MPHOSPH10: variants seen among roughly 807,000 people sequenced by gnomAD.
MPHOSPH10 encodes U3 small nucleolar ribonucleoprotein MPP10.
In MPHOSPH10, 33 loss-of-function variants were observed where a neutral mutation model predicts 77.3. The ratio of observed to expected loss-of-function variants is 0.43; its 90% CI spans 0.32 to 0.57. The LOEUF is 0.57. Among genes scored for constraint, MPHOSPH10 ranks in the 20% least tolerant of loss-of-function variants. The pLI, the probability that MPHOSPH10 is intolerant of heterozygous loss-of-function variation, is 0.07. For synonymous variants in MPHOSPH10, 245 were observed against 268.0 expected (o/e 0.91, Z 0.84); for missense variants, 708 against 780.1 (o/e 0.91, Z 1.10).
At chr2:71,141,175 T>C (rs1673603161) in intron 6 of MPHOSPH10, 57 bp from the exon 7 acceptor site, 1 of 1,205,820 alleles carries the variant, frequency 8.3e-7, no homozygotes, top group Non-Finnish European at 1.1e-6. Context: ...GATTCTTAAG[T>C]GAACCTAGAA....
intron 4 of MPHOSPH10, among the ~76,000 whole-genome samples, chr2:71,135,911 G>A (rs1673480297): frequency 6.6e-6 from 1 of 152,026 alleles, no homozygotes; most frequent in African/African-American, 2.4e-5. Context: ...CACCATGTTG[G>A]CCAGGCTGGT....
rs1673425811 is a variant in MPHOSPH10, at chr2:71,133,446, A to G, written c.638A>G (p.Tyr213Cys). 2 of 1,614,018 alleles carry G rather than the reference A, an allele frequency of 1.2e-6. No homozygotes were observed. The highest frequency in any genetic ancestry group is 1.1e-5 in the South Asian group (1 of 91,078). ...TTCAAACTCTCTGAAATGGAGGCCT[A>G]TTTAGAAAACATAGAAAAAGAAGAG... ...KFFKLSEMEA[Y>C]LENIEKEEER... Residue 213 changes from tyrosine (Y) to cysteine (C), a missense_variant, in exon 2 of 11, where the codon TAT (tyrosine) becomes TGT (cysteine). Physicochemically the swap from Tyr to Cys is radical, Grantham distance 194. This residue lies in a region of MPHOSPH10 where 433 missense variants were observed against 432.6 expected (regional missense o/e 1.00). Transcript: ENST00000244230.
chr2:71,144,354 A>G, intron 7 of MPHOSPH10, 74 bp from the exon 8 acceptor site: 1 of 1,100,588 alleles, frequency 9.1e-7, no homozygotes, highest in Non-Finnish European at 1.3e-6. Context: ...AAATACTCTC[A>G]TTGACCTTTA....
chr2:71,146,328 TTG>T (rs1044766769), intron 8 of MPHOSPH10, among the ~76,000 whole-genome samples: 10 of 145,884 alleles, frequency 6.9e-5, no homozygotes, highest in Admixed American at 3.8e-4. Context: ...CCATTATTTT[TTG>T]TGGCTTTTTT....
chr2:71,133,081 T>C lies in MPHOSPH10; in HGVS notation c.273T>C (p.Phe91=). Residue 91 remains phenylalanine, a synonymous_variant, in exon 2 of 11, where the codon TTT becomes TTC. Coordinates refer to ENST00000244230, the MANE Select transcript of MPHOSPH10 (RefSeq NM_005791.3). ...AAAATGAACCAATTTTACAATACTT[T>C]CAGAATGCAGTTAGTGAAACAATTA... The part of the protein sequence containing the change: ...ELQNEPILQY[F]QNAVSETIND... The C allele has an allele frequency of 6.2e-7, 1 of 1,614,192 alleles. No individual in the cohort carries two copies. The highest frequency in any genetic ancestry group is 8.5e-7 in the Non-Finnish European group (1 of 1,180,022).
chr2:71,137,656 C>CAAAAAAAAAAA (rs60072810), intron 4 of MPHOSPH10, among the ~76,000 whole-genome samples: 1 of 46,358 alleles, frequency 2.2e-5, no homozygotes, highest in Non-Finnish European at 4.8e-5. Context: ...GAGACTGTCT[C>CAAAAAAAAAAA]AAAAAAAAAA....
At chr2:71,131,444 G>A (rs1673377387) in intron 1 of MPHOSPH10, among the ~76,000 whole-genome samples, 1 of 152,102 alleles carries the variant, frequency 6.6e-6, no homozygotes, top group African/African-American at 2.4e-5. Flanking sequence ...TAATAGAATT[G>A]TTGTTTCTAC....
intron 1 of MPHOSPH10, 87 bp from the exon 2 acceptor site, chr2:71,132,811 A>G (rs1364877982): frequency 1.4e-6 from 2 of 1,452,696 alleles, no homozygotes; most frequent in African/African-American, 2.9e-5. Context: ...TTTATTTTAC[A>G]AAAGAGTTGG....
chr2:71,143,132 T>C (rs908257189), intron 7 of MPHOSPH10, among the ~76,000 whole-genome samples: 1 of 151,922 alleles, frequency 6.6e-6, no homozygotes, highest in African/African-American at 2.4e-5. Context: ...ATTAACACTT[T>C]ACTTCTTTTT....
Position 71,140,009 on chromosome 2 carries a change from T to A in MPHOSPH10, c.1308+147T>A, listed in dbSNP as rs1673580413. 10 of 590,528 alleles carry A rather than the reference T, an allele frequency of 1.7e-5. No homozygotes were observed. In the South Asian group the frequency reaches 2.0e-4, roughly 12 times the overall value. The allele number at this position is 590,528 out of a possible 1,614,324, so 36.6% of individuals were successfully genotyped here. ...TCTAGGCTACCTAGTCAGCTTTTGT[T>A]GTGTGAGGTACTGCTCTTCAGTAGT... is the stretch of plus-strand genomic sequence containing the variant. On this transcript the variant is annotated intron_variant, in intron 6 of 10. Coordinates refer to ENST00000244230, the MANE Select transcript of MPHOSPH10 (RefSeq NM_005791.3).
Position 71,133,116 on chromosome 2 carries a change from A to G in MPHOSPH10, c.308A>G (p.Asp103Gly). ...GTTAGTGAAACAATTAATGATGAAG[A>G]TATCAGTCTTCTCCCAGAGAGTGAA... is the stretch of plus-strand genomic sequence containing the variant. ...NAVSETINDE[D>G]ISLLPESEEQ... Residue 103 changes from aspartate (D) to glycine (G), a missense_variant, in exon 2 of 11, where the codon GAT becomes GGT. Coordinates refer to ENST00000244230, the MANE Select transcript of MPHOSPH10 (RefSeq NM_005791.3). The G allele has an allele frequency of 6.2e-7, 1 of 1,614,196 alleles. No homozygotes were observed. Among genetic ancestry groups the G allele is most frequent in the Non-Finnish European group, 8.5e-7 (1 of 1,180,018 alleles).
chr2:71,142,187 T>C (rs755805577), intron 7 of MPHOSPH10, among the ~76,000 whole-genome samples: 1 of 152,234 alleles, frequency 6.6e-6, no homozygotes, highest in Non-Finnish European at 1.5e-5. Flanking sequence ...GCATTTTTCT[T>C]CTGCAAAAGC....
intron 6 of MPHOSPH10, among the ~76,000 whole-genome samples, chr2:71,140,872 T>A (rs1572899628): frequency 1.3e-5 from 2 of 152,174 alleles, no homozygotes; most frequent in African/African-American, 4.8e-5. Flanking sequence ...GCTTGACTTT[T>A]AAACAAACTG....
rs185678814 is a variant in MPHOSPH10, at chr2:71,149,074, T to A, written c.1666-149T>A. On this transcript the variant is annotated intron_variant, in intron 9 of 10. Coordinates refer to ENST00000244230, the MANE Select transcript of MPHOSPH10 (RefSeq NM_005791.3). ...AAAGAGCTGAGTTACCAACGCTCATTGGAATGCAGGTGGGGATTGCTCTGC... is the reference window on the plus strand; with the variant it reads ...AAAGAGCTGAGTTACCAACGCTCATAGGAATGCAGGTGGGGATTGCTCTGC... 1.4e-3 allele frequency: 940 copies of A among 673,714 alleles called. 1 individual carries two copies. Among genetic ancestry groups the A allele is most frequent in the Admixed American group, 2.0e-3 (69 of 34,168 alleles). 41.7% of individuals were successfully genotyped at this position (673,714 alleles called of 1,614,324 possible).
intron 9 of MPHOSPH10, chr2:71,148,962 C>CT: frequency 1.3e-5 from 6 of 474,002 alleles, no homozygotes; most frequent in Non-Finnish European, 1.9e-5. Flanking sequence ...GAACCCAACT[C>CT]TCCATGTTGC....
At chr2:71,145,977 C>A (rs1220583649) in intron 8 of MPHOSPH10, among the ~76,000 whole-genome samples, 1 of 152,264 alleles carries the variant, frequency 6.6e-6, no homozygotes, top group Non-Finnish European at 1.5e-5. Flanking sequence ...TGTCTCACCA[C>A]TTGGCTCCTT....
Position 71,132,976 on chromosome 2 carries a change from T to C in MPHOSPH10, c.168T>C (p.Gly56=), listed in dbSNP as rs898715318. The change falls in exon 2 of 11, where the codon GGT becomes GGC. Residue 56 remains glycine, a synonymous_variant. Coordinates refer to ENST00000244230, the MANE Select transcript of MPHOSPH10 (RefSeq NM_005791.3). ...LYDFNKILEN[G]RIHGSPLQKL... ...ACTTTAATAAAATATTAGAGAATGG[T>C]AGGATCCATGGAAGCCCCTTGCAAA... 4 of 1,614,006 alleles carry C rather than the reference T, an allele frequency of 2.5e-6. No individual in the cohort carries two copies. The highest frequency in any genetic ancestry group is 1.7e-6 in the Non-Finnish European group (2 of 1,180,012).
intron 1 of MPHOSPH10, among the ~76,000 whole-genome samples, chr2:71,131,952 C>G (rs767162987): frequency 6.6e-6 from 1 of 152,194 alleles, no homozygotes; most frequent in African/African-American, 2.4e-5. Flanking sequence ...AATGGCTGAG[C>G]TTCAGCTCAG....
chr2:71,147,209 G>C (rs1262196815), intron 8 of MPHOSPH10, among the ~76,000 whole-genome samples: 1 of 152,026 alleles, frequency 6.6e-6, no homozygotes, highest in Non-Finnish European at 1.5e-5. Context: ...ATACTTCTTA[G>C]AGCTAGCTTT....
Sources: gnomAD v4.1 joint callset for allele counts (sites outside exome capture counted in the v4.1 genomes callset) on GRCh38, gnomAD v4.1.1 for gene constraint, gnomAD v4.1.1 regional missense constraint, MANE v1.5 for transcripts, NCBI Gene and HGNC (gene_info 2026-07-23, HGNC 2026-07-21) for gene names.